Variants in RASSF2 observed in about 807,000 individuals in gnomAD.
RASSF2 encodes the protein ras association domain-containing protein 2.
RASSF2 carries 34 observed loss-of-function variants against 46.3 expected under a neutral mutation model. The observed-to-expected ratio is 0.73, with a 90% CI of 0.56 to 0.98. RASSF2 has a LOEUF of 0.98. Ranked by LOEUF, RASSF2 falls within the 50% of genes least tolerant of loss-of-function variation. RASSF2 has a pLI of 0.00. For missense variants in RASSF2, 364 were observed against 431.2 expected (o/e 0.84, Z 1.38); for synonymous variants, 158 against 162.5 (o/e 0.97, Z 0.21).
rs1284415607 is a variant in RASSF2 at position 4,795,651 on chromosome 20, C to T, written c.287+164G>A. The T allele has an allele frequency of 2.6e-6, 2 of 767,974 alleles. No homozygotes were observed. Among genetic ancestry groups the T allele is most frequent in the East Asian group, 5.9e-5 (2 of 33,802 alleles). 47.6% of individuals were successfully genotyped at this position (767,974 alleles called of 1,614,324 possible). A position where few individuals can be genotyped will look rare whatever the true frequency, so the allele number is the denominator to read the frequency against. On this transcript the variant is annotated intron_variant, in intron 5 of 11. Transcript: ENST00000379400. This position sits in a 1 kb window ranked among gnomAD's most constrained non-coding sequence, Gnocchi z 4.0. ...GGGGGCTCAATCACAACCACATCTG[C>T]TGCTTGTTCCTCATTCCAAGGCTAA...
chr20:4,799,967 C>T (rs1161157745), intron 3 of RASSF2, among the ~76,000 whole-genome samples: 2 of 152,188 alleles, frequency 1.3e-5, no homozygotes, highest in African/African-American at 2.4e-5. Flanking sequence ...AAAAAATTAG[C>T]TGGGTGTGGT....
At chr20:4,806,570 G>A (rs975890441) in intron 2 of RASSF2, among the ~76,000 whole-genome samples, 5 of 152,030 alleles carry the variant, frequency 3.3e-5, no homozygotes, top group East Asian at 3.9e-4. Context: ...TCAGCCTCCC[G>A]AAGGGATTAA....
chr20:4,789,958 G>T (rs1472354880), intron 7 of RASSF2, among the ~76,000 whole-genome samples: 3 of 152,146 alleles, frequency 2.0e-5, no homozygotes, highest in Non-Finnish European at 4.4e-5. Context: ...ACCATGTATT[G>T]CCTCCGGGGG....
Position 4,820,757 on chromosome 20 carries a change from T to C in RASSF2, c.-33+1572A>G, listed in dbSNP as rs903033060. The stretch of plus-strand genomic sequence containing the variant: ...CCATTCCAAGCACACTGCTGAGACC[T>C]GCCCTGTTTCTCGCTCTGGAAGAGA... On this transcript the variant is annotated intron_variant, in intron 2 of 11. Coordinates refer to ENST00000379400, the MANE Select transcript of RASSF2 (RefSeq NM_014737.3). Among the ~76,000 whole-genome samples the C allele has an allele frequency of 5.9e-5, 9 of 152,074 alleles. 1 individual carries two copies. Among genetic ancestry groups the C allele is most frequent in the African/African-American group, 1.9e-4 (8 of 41,410 alleles).
At chr20:4,786,130 C>T (rs1026668394) in intron 11 of RASSF2, 101 bp downstream of exon 11, 8 of 948,596 alleles carry the variant, frequency 8.4e-6, no homozygotes, top group Non-Finnish European at 1.3e-5. Context: ...GAGACTCAGG[C>T]CCATGCAGCA....
At chr20:4,814,528 A>C (rs1024583355) in intron 2 of RASSF2, among the ~76,000 whole-genome samples, 1 of 152,114 alleles carries the variant, frequency 6.6e-6, no homozygotes, top group Non-Finnish European at 1.5e-5. Flanking sequence ...CAGGACTGAA[A>C]ACCCAAAAGC....
Position 4,786,292 on chromosome 20 carries a change from T to C in RASSF2, c.850A>G (p.Lys284Glu), listed in dbSNP as rs1568562114. The change falls in exon 11 of 12, where the codon AAA becomes GAA. Residue 284 changes from lysine (K) to glutamate (E), a missense_variant. Transcript: ENST00000379400. ...QYIKFEMPVL[K>E]SFIQKLQEEE... is the part of the protein sequence containing the mutation. ...TCCTGGAGCTTCTGAATGAAGCTTT[T>C]AAGTACCGGCATCTCGAACTTTATA... The C allele has an allele frequency of 6.2e-7, 1 of 1,613,258 alleles. No individual in the cohort carries two copies. The highest frequency in any genetic ancestry group is 8.5e-7 in the Non-Finnish European group (1 of 1,179,284).
At chr20:4,809,262 T>A (rs6037973) in intron 2 of RASSF2, among the ~76,000 whole-genome samples, 24,435 of 152,030 alleles carry the variant, frequency 0.16, 2,898 homozygotes, top group African/African-American at 0.33. Context: ...GGACGTCTTT[T>A]CAAAGGGAAG....
At position 4,796,758 on chromosome 20, in the gene RASSF2, A is replaced by G. The variant is rs759932927; in HGVS notation, c.136-792T>C. 3.0e-4 allele frequency among the ~76,000 whole-genome samples: 45 copies of G among 152,244 alleles called. 1 individual carries two copies. The highest frequency in any genetic ancestry group is 5.7e-4 in the Non-Finnish European group (39 of 68,048). ...ATCCTTTAATCATGAAGCACTTTTA[A>G]TCATTTATTCTATAGGACATAACCC... On this transcript the variant is annotated intron_variant, in intron 4 of 11. Transcript: ENST00000379400.
rs370489221 is a variant in RASSF2, at chr20:4,819,789, C to T, written c.-33+2540G>A. On this transcript the variant is annotated intron_variant, in intron 2 of 11. Coordinates refer to ENST00000379400, the MANE Select transcript of RASSF2 (RefSeq NM_014737.3). ...TCTACTTTGCCAAATCACTTTGGGTCGACATGTTCAAAGAAAGCACAGGTA... is the reference window on the plus strand; with the variant it reads ...TCTACTTTGCCAAATCACTTTGGGTTGACATGTTCAAAGAAAGCACAGGTA... Among the ~76,000 whole-genome samples the T allele has an allele frequency of 3.9e-5, 6 of 152,116 alleles. No homozygotes were observed. In the East Asian group the frequency reaches 5.8e-4, roughly 15 times the overall value.
chr20:4,788,381 G>A, intron 8 of RASSF2, 113 bp from the exon 9 acceptor site: 1 of 924,470 alleles, frequency 1.1e-6, no homozygotes, highest in Non-Finnish European at 1.7e-6. Context: ...GCTGTTTTGA[G>A]GGGAGAGCTA....
intron 2 of RASSF2, among the ~76,000 whole-genome samples, chr20:4,803,422 T>C (rs183211115): frequency 6.6e-6 from 1 of 152,278 alleles, no homozygotes; most frequent in East Asian, 1.9e-4. Context: ...CTCAGTGAGA[T>C]TCGTGTCAGA....
chr20:4,811,342 C>A (rs1167279335), intron 2 of RASSF2, among the ~76,000 whole-genome samples: 4 of 117,644 alleles, frequency 3.4e-5, no homozygotes, highest in African/African-American at 1.2e-4. Context: ...TGGAGTGAAT[C>A]CCCTTCTTTA....
At chr20:4,798,360 A>G (rs1040904176) in intron 3 of RASSF2, among the ~76,000 whole-genome samples, 5 of 152,308 alleles carry the variant, frequency 3.3e-5, no homozygotes, top group East Asian at 3.9e-4. Context: ...GGCCTCGTCT[A>G]CCGACAATAC....
At chr20:4,786,728 A>G (rs1445087380) in intron 10 of RASSF2, among the ~76,000 whole-genome samples, 3 of 152,226 alleles carry the variant, frequency 2.0e-5, no homozygotes, top group Non-Finnish European at 2.9e-5. Flanking sequence ...TCAAGGCTCA[A>G]ACAAGCATCC....
chr20:4,822,597 A>G (rs1337204837), intron 1 of RASSF2, among the ~76,000 whole-genome samples, 194 bp from the exon 2 acceptor site: 1 of 152,236 alleles, frequency 6.6e-6, no homozygotes, highest in Non-Finnish European at 1.5e-5. Flanking sequence ...AATGCAAAGT[A>G]AGCGCTCGAA....
At chr20:4,821,149 A>G (rs901304934) in intron 2 of RASSF2, among the ~76,000 whole-genome samples, 5 of 152,078 alleles carry the variant, frequency 3.3e-5, no homozygotes, top group East Asian at 1.9e-4. Context: ...AGCAAAACCA[A>G]TAGCAACTGG....
chr20:4,795,867 G>T lies in RASSF2; in HGVS notation c.235C>A (p.Pro79Thr), dbSNP rs773689156. The T allele has an allele frequency of 5.6e-6, 9 of 1,610,622 alleles. No individual in the cohort carries two copies. Among genetic ancestry groups the T allele is most frequent in the Non-Finnish European group, 5.1e-6 (6 of 1,178,046 alleles). ...TGCCAGGAGGAGGAGGATGGAGGGG[G>T]TCGAATGCGTTCGTTGTCATCCTGC... is the stretch of plus-strand genomic sequence containing the variant. ...QMQDDNERIR[P>T]PPSSSSWHSG... The change falls in exon 5 of 12, where the codon CCC becomes ACC. Residue 79 changes from proline to threonine, a missense_variant. Physicochemically the swap from Pro to Thr is conservative, Grantham distance 38. Coordinates refer to ENST00000379400, the MANE Select transcript of RASSF2 (RefSeq NM_014737.3). The surrounding 1 kb of genome is among the most constrained non-coding windows in gnomAD (Gnocchi z 4.0).
rs148303159 is a variant in RASSF2 at position 4,792,568 on chromosome 20, G to A, written c.347C>T (p.Pro116Leu). 8.2e-5 allele frequency: 132 copies of A among 1,614,124 alleles called. No homozygotes were observed. The Middle Eastern group carries it at 3.6e-3, about 44-fold the overall frequency. Residue 116 changes from proline (P) to leucine (L), a missense_variant, in exon 6 of 12, where the codon CCG (proline) becomes CTG (leucine). By Grantham distance (98) the Pro-to-Leu change is moderately conservative. Coordinates refer to ENST00000379400, the MANE Select transcript of RASSF2 (RefSeq NM_014737.3). ...KVQISEVDAP[P>L]EGDQMPSSTD... ...GGAGCTTGGCATCTGGTCACCCTCCGGCGGGGCATCCACCTCTGAGATCTG... is the reference window on the plus strand; with the variant it reads ...GGAGCTTGGCATCTGGTCACCCTCCAGCGGGGCATCCACCTCTGAGATCTG...
Sources: gnomAD v4.1 joint callset for allele counts (sites outside exome capture counted in the v4.1 genomes callset) on GRCh38, gnomAD v4.1.1 for gene constraint, Gnocchi (gnomAD v3.1) non-coding constraint, MANE v1.5 for transcripts, NCBI Gene and HGNC (gene_info 2026-07-23, HGNC 2026-07-21) for gene names.